Variants in LARP1B observed in about 807,000 individuals in gnomAD.
LARP1B encodes la-related protein 1B.
A neutral mutation model predicts 114.2 loss-of-function variants in LARP1B; 76 were observed. The observed-to-expected ratio is 0.67, with a 90% CI of 0.55 to 0.81. The LOEUF (loss-of-function observed/expected upper bound fraction) is 0.81. LARP1B is among the 30% of genes least tolerant of loss of function. The pLI is 0.00. For synonymous variants in LARP1B, 345 were observed against 348.0 expected (o/e 0.99, Z 0.10); for missense variants, 1,014 against 1,075.8 (o/e 0.94, Z 0.80).
downstream of LARP1B, chr4:128,222,746 T>C (rs1232566371): frequency 6.2e-6 from 1 of 162,458 alleles, no homozygotes; most frequent in Non-Finnish European, 1.3e-5. Context: ...CAATTGAGGA[T>C]TGTGGAAATA....
chr4:128,139,051 G>T (rs758371278), intron 11 of LARP1B, among the ~76,000 whole-genome samples: 7 of 152,094 alleles, frequency 4.6e-5, no homozygotes, highest in Non-Finnish European at 7.4e-5. Flanking sequence ...TTCATTTCAA[G>T]ATCATGGATT....
At chr4:128,204,965 G>C (rs1405896179) in intron 17 of LARP1B, among the ~76,000 whole-genome samples, 1 of 152,152 alleles carries the variant, frequency 6.6e-6, no homozygotes, top group Non-Finnish European at 1.5e-5. Flanking sequence ...CTAAGATTGA[G>C]AACAACTGAT....
intron 10 of LARP1B, among the ~76,000 whole-genome samples, chr4:128,115,178 C>T (rs573698285): frequency 8.5e-5 from 13 of 152,170 alleles, no homozygotes; most frequent in East Asian, 1.9e-4. Flanking sequence ...CCTCATGATC[C>T]GCCCGCCTCG....
chr4:128,069,136 G>A, intron 1 of LARP1B: 1 of 1,083,164 alleles, frequency 9.2e-7, no homozygotes, highest in Non-Finnish European at 1.4e-6. Context: ...CCTGCAGATG[G>A]CAGCCCATGC....
intron 12 of LARP1B, among the ~76,000 whole-genome samples, chr4:128,169,581 A>G (rs538503119): frequency 6.6e-6 from 1 of 152,050 alleles, no homozygotes; most frequent in Non-Finnish European, 1.5e-5. Context: ...TTTCTGATAT[A>G]AGCATTTAAT....
chr4:128,080,330 C>G (rs1769823741), intron 4 of LARP1B, among the ~76,000 whole-genome samples: 1 of 152,056 alleles, frequency 6.6e-6, no homozygotes, highest in South Asian at 2.1e-4. Context: ...AACAGTAAAA[C>G]CCAGGTGTTT....
At chr4:128,126,724 CA>C (rs1447305057) in intron 11 of LARP1B, among the ~76,000 whole-genome samples, 2 of 151,372 alleles carry the variant, frequency 1.3e-5, no homozygotes, top group East Asian at 3.9e-4. Context: ...TGATTTTCTA[CA>C]GTCTTTGCTA....
At chr4:128,068,487 ATTATT>A (rs1265500184) in intron 1 of LARP1B, among the ~76,000 whole-genome samples, 2 of 152,012 alleles carry the variant, frequency 1.3e-5, no homozygotes, top group Non-Finnish European at 2.9e-5. Flanking sequence ...TGCCTGGCAA[ATTATT>A]TTATTTTTGT....
At chr4:128,083,457 C>G (rs915825368) in intron 5 of LARP1B, among the ~76,000 whole-genome samples, 1 of 149,380 alleles carries the variant, frequency 6.7e-6, no homozygotes. Flanking sequence ...TGACCCCCCC[C>G]ACCTCCCTCC....
intron 7 of LARP1B, among the ~76,000 whole-genome samples, chr4:128,096,347 GTGGATAAACA>G (rs1230408446): frequency 6.6e-6 from 1 of 152,116 alleles, no homozygotes; most frequent in Non-Finnish European, 1.5e-5. Flanking sequence ...TTCCTATGGT[GTGGATAAACA>G]TGTATTTCTC....
At chr4:128,197,446 A>C (rs1408422949) in intron 15 of LARP1B, among the ~76,000 whole-genome samples, 1 of 152,206 alleles carries the variant, frequency 6.6e-6, no homozygotes, top group African/African-American at 2.4e-5. Flanking sequence ...CTGTAATCCC[A>C]GCACTTTGGG....
intron 7 of LARP1B, among the ~76,000 whole-genome samples, chr4:128,091,753 C>T (rs1034418013): frequency 2.0e-5 from 3 of 152,044 alleles, no homozygotes; most frequent in Admixed American, 2.0e-4. Context: ...CATGCCACCA[C>T]ACCTGGCTAA....
intron 12 of LARP1B, among the ~76,000 whole-genome samples, chr4:128,166,325 C>G (rs1276354862): frequency 6.6e-6 from 1 of 151,854 alleles, no homozygotes; most frequent in Non-Finnish European, 1.5e-5. Context: ...AATCTAACCA[C>G]TTCTCACTTT....
intron 14 of LARP1B, 48 bp from the exon 15 acceptor site, chr4:128,179,358 G>C (rs774658593): frequency 8.4e-7 from 1 of 1,195,588 alleles, no homozygotes; most frequent in Non-Finnish European, 1.2e-6. Flanking sequence ...TACTTGTGAA[G>C]TTCACACTAT....
chr4:128,204,485 T>C (rs1465431234), intron 17 of LARP1B, among the ~76,000 whole-genome samples: 1 of 151,802 alleles, frequency 6.6e-6, no homozygotes, highest in Non-Finnish European at 1.5e-5. Context: ...TGAAACCCCA[T>C]CTCTACTAAA....
At chr4:128,155,606 C>T (rs1403305444) in intron 11 of LARP1B, 4 of 1,091,470 alleles carry the variant, frequency 3.7e-6, no homozygotes, top group South Asian at 1.2e-5. Context: ...TACCCTTAGT[C>T]CAGCCCCCTA....
intron 15 of LARP1B, among the ~76,000 whole-genome samples, chr4:128,185,730 C>T (rs1750113639): frequency 6.6e-6 from 1 of 152,034 alleles, no homozygotes; most frequent in East Asian, 1.9e-4. Flanking sequence ...GTTCCTTGTG[C>T]TTTTAGCATC....
intron 1 of LARP1B, among the ~76,000 whole-genome samples, chr4:128,072,562 AT>A (rs988857511): frequency 8.0e-4 from 115 of 144,170 alleles, no homozygotes; most frequent in African/African-American, 9.1e-4. Flanking sequence ...CGTATATATA[AT>A]TTTTTTTTTT....
intron 11 of LARP1B, among the ~76,000 whole-genome samples, chr4:128,150,101 A>G (rs1311863625): frequency 9.9e-5 from 15 of 152,154 alleles, no homozygotes; most frequent in Admixed American, 9.8e-4. Flanking sequence ...CAGTGAGCCG[A>G]GATCGTGCCA....
Sources: allele counts gnomAD v4.1 joint callset (sites outside exome capture counted in the v4.1 genomes callset), GRCh38; gene constraint gnomAD v4.1.1; transcripts MANE v1.5; gene names NCBI Gene and HGNC (gene_info 2026-07-23, HGNC 2026-07-21).